FMN1: variants seen among roughly 807,000 people sequenced by gnomAD.
The protein encoded by FMN1 is formin 1, also known as formin-1.
A neutral mutation model predicts 132.4 loss-of-function variants in FMN1; 110 were observed. That is an observed-to-expected ratio of 0.83 (90% CI 0.71 to 0.97). FMN1 has a LOEUF of 0.97. FMN1 is among the 50% of genes least tolerant of loss of function. FMN1 has a pLI of 0.00. For synonymous variants in FMN1, 722 were observed against 651.7 expected (o/e 1.11, Z -1.64); for missense variants, 1,792 against 1,705.3 (o/e 1.05, Z -0.90).
At chr15:33,074,357 T>G (rs963061254) in intron 5 of FMN1, among the ~76,000 whole-genome samples, 3 of 152,238 alleles carry the variant, frequency 2.0e-5, no homozygotes, top group Admixed American at 1.3e-4. Flanking sequence ...CCTGCCTTCA[T>G]GCTGTGGCGT....
chr15:32,783,744 C>G (rs1239166826), intron 19 of FMN1, among the ~76,000 whole-genome samples: 2 of 64,250 alleles, frequency 3.1e-5, no homozygotes, highest in South Asian at 1.3e-3. Flanking sequence ...GACTCTGTTT[C>G]AAAAAAAAAA....
At chr15:32,996,620 T>TA (rs1477409389) in intron 7 of FMN1, among the ~76,000 whole-genome samples, 1 of 152,176 alleles carries the variant, frequency 6.6e-6, no homozygotes, top group Non-Finnish European at 1.5e-5. Context: ...TGGCACATAG[T>TA]AAATGCTCAA....
intron 7 of FMN1, among the ~76,000 whole-genome samples, chr15:32,979,789 T>C (rs1208261440): frequency 2.6e-5 from 4 of 152,110 alleles, no homozygotes; most frequent in Admixed American, 6.5e-5. Context: ...AGCAAAAGCA[T>C]ACCAAAGTCA....
At chr15:32,967,555 G>A (rs1244113391) in intron 8 of FMN1, among the ~76,000 whole-genome samples, 1 of 152,206 alleles carries the variant, frequency 6.6e-6, no homozygotes, top group African/African-American at 2.4e-5. Context: ...AATGGCAGAA[G>A]CTATTACAGG....
intron 17 of FMN1, among the ~76,000 whole-genome samples, chr15:32,853,307 T>A (rs923182017): frequency 1.1e-4 from 16 of 152,224 alleles, no homozygotes; most frequent in Admixed American, 2.0e-4. Flanking sequence ...TAGTACCACA[T>A]TACACCAACT....
In FMN1 at chr15:32,901,899, C is replaced by T; in HGVS notation, c.3507+12G>A. On this transcript the variant is annotated intron_variant, in intron 13 of 20. Coordinates refer to ENST00000616417, the MANE Select transcript of FMN1 (RefSeq NM_001277313.2). ...GAGCAAGGCTATCTTTTAAATTAGA[C>T]AGTAAACATACCTTAGAAGCTCGCG... 1 of 1,595,260 alleles carries T rather than the reference C, an allele frequency of 6.3e-7. No individual in the cohort carries two copies. Among genetic ancestry groups the T allele is most frequent in the Admixed American group, 1.8e-5 (1 of 55,734 alleles).
chr15:33,128,107 G>C (rs1233256525), intron 4 of FMN1, among the ~76,000 whole-genome samples: 1 of 152,134 alleles, frequency 6.6e-6, no homozygotes, highest in Admixed American at 6.5e-5. Context: ...GCCAGAAGAA[G>C]GGAGAGGAGA....
intron 4 of FMN1, among the ~76,000 whole-genome samples, chr15:33,125,421 T>C (rs941539102): frequency 6.8e-6 from 1 of 147,418 alleles, no homozygotes; most frequent in African/African-American, 2.5e-5. Context: ...GATGTACCAG[T>C]GCACTAAGAC....
In FMN1 at chr15:33,088,908, C is replaced by A; in HGVS notation, c.1934G>T (p.Arg645Ile). ...NEQTPKDLPN[R>I]DGGAWVLGYR... ...GCCCAGAACCCACGCGCCTCCATCT[C>A]TGTTGGGAAGGTCTTTAGGTGTCTG... is the stretch of plus-strand genomic sequence containing the variant. Residue 645 changes from arginine to isoleucine, a missense_variant, in exon 5 of 21, where the codon AGA (arginine) becomes ATA (isoleucine). Physicochemically the swap from Arg to Ile is moderately conservative, Grantham distance 97. Transcript: ENST00000616417. 6.5e-7 allele frequency: 1 copy of A among 1,535,974 alleles called. No homozygotes were observed. The highest frequency in any genetic ancestry group is 8.7e-7 in the Non-Finnish European group (1 of 1,146,846).
rs933633676 is a variant in FMN1 at position 32,768,533 on chromosome 15, C to A, written c.*5777G>T. On this transcript the variant is annotated 3_prime_UTR_variant, in exon 21 of 21. Coordinates refer to ENST00000616417, the MANE Select transcript of FMN1 (RefSeq NM_001277313.2). ...TCTCATAGTTTCAAAGGTAGAGAGC[C>A]CCTCAGTGTCTGCACAGGTAGAATT... 1 of 152,110 alleles carries A rather than the reference C, an allele frequency of 6.6e-6. No individual in the cohort carries two copies. The highest frequency in any genetic ancestry group is 1.5e-5 in the Non-Finnish European group (1 of 68,040). 9.4% of individuals were successfully genotyped at this position (152,110 alleles called of 1,614,324 possible).
chr15:32,798,578 G>A (rs73385001), intron 19 of FMN1, among the ~76,000 whole-genome samples: 3,379 of 152,276 alleles, frequency 0.022, 54 homozygotes, highest in African/African-American at 0.045. Flanking sequence ...ATTGGAAGGG[G>A]TTAAGAAAGT....
At chr15:33,025,943 G>C (rs1347492241) in intron 6 of FMN1, among the ~76,000 whole-genome samples, 2 of 152,184 alleles carry the variant, frequency 1.3e-5, no homozygotes, top group African/African-American at 4.8e-5. Flanking sequence ...CATTAAACTA[G>C]AGGCGTGAGA....
chr15:32,800,901 G>A (rs2057455773), intron 18 of FMN1, among the ~76,000 whole-genome samples: 1 of 152,146 alleles, frequency 6.6e-6, no homozygotes, highest in Non-Finnish European at 1.5e-5. Context: ...GGGAGGGCAT[G>A]TGATTATTTT....
chr15:32,942,007 A>C (rs1193040480), intron 9 of FMN1, among the ~76,000 whole-genome samples: 1 of 152,184 alleles, frequency 6.6e-6, no homozygotes, highest in Non-Finnish European at 1.5e-5. Context: ...ACTGACCTAC[A>C]AGCTGACCTT....
intron 4 of FMN1, among the ~76,000 whole-genome samples, chr15:33,101,073 T>C (rs917167338): frequency 1.3e-5 from 2 of 152,126 alleles, no homozygotes; most frequent in Non-Finnish European, 2.9e-5. Flanking sequence ...AAATTTCATT[T>C]AGAAAATGAA....
intron 4 of FMN1, among the ~76,000 whole-genome samples, chr15:33,114,479 C>T (rs1340949154): frequency 6.6e-6 from 1 of 152,212 alleles, no homozygotes; most frequent in African/African-American, 2.4e-5. Context: ...ATTCCGGAAG[C>T]CTGTCTGTCA....
At chr15:33,000,695 T>C (rs1050268039) in intron 7 of FMN1, among the ~76,000 whole-genome samples, 3 of 152,140 alleles carry the variant, frequency 2.0e-5, no homozygotes, top group African/African-American at 7.2e-5. Flanking sequence ...AATAAGATTA[T>C]ATTAATCAAT....
chr15:33,124,107 TATC>T (rs1261068341), intron 4 of FMN1, among the ~76,000 whole-genome samples: 1 of 152,176 alleles, frequency 6.6e-6, no homozygotes, highest in Admixed American at 6.5e-5. Flanking sequence ...TGACGTGAAT[TATC>T]ATTCAGTCCT....
At chr15:32,937,097 A>G (rs1596309602) in intron 9 of FMN1, among the ~76,000 whole-genome samples, 1 of 151,858 alleles carries the variant, frequency 6.6e-6, no homozygotes, top group East Asian at 1.9e-4. Flanking sequence ...TTGGAGGTTT[A>G]CTCTCACTTA....
Sources: gnomAD v4.1 joint callset for allele counts (sites outside exome capture counted in the v4.1 genomes callset) on GRCh38, gnomAD v4.1.1 for gene constraint, MANE v1.5 for transcripts, NCBI Gene and HGNC (gene_info 2026-07-23, HGNC 2026-07-21) for gene names.